Variants in C4orf50 observed in about 807,000 individuals in gnomAD.
C4orf50 encodes the protein uncharacterized protein C4orf50.
Under a neutral mutation model 77.2 loss-of-function variants are expected in C4orf50, and 80 were observed. The observed-to-expected ratio is 1.04, with a 90% CI of 0.87 to 1.25. The LOEUF (loss-of-function observed/expected upper bound fraction) is 1.25. Among genes scored for constraint, C4orf50 ranks in the 50% most tolerant of loss-of-function variants. The pLI, the probability that C4orf50 is intolerant of heterozygous loss-of-function variation, is 0.00. For synonymous variants in C4orf50, 532 were observed against 465.3 expected, an observed-to-expected ratio of 1.14 and a Z score of -1.84; for missense variants, 1,257 against 1,152.9, an observed-to-expected ratio of 1.09 and a Z score of -1.31.
chr4:5,967,448 C>T (rs1719644734), exon 32 of C4orf50: 9 of 1,613,946 alleles, frequency 5.6e-6, no homozygotes, highest in Non-Finnish European at 7.6e-6. Context: ...ACTTGACGTC[C>T]AGGTGGTGGC....
exon 28 of C4orf50, chr4:5,989,012 A>G (rs925000644): frequency 5.3e-5 from 81 of 1,535,888 alleles, no homozygotes; most frequent in Non-Finnish European, 6.2e-5. Context: ...AAAATTTTGC[A>G]GTAACTCTTC....
chr4:5,921,012 A>G (rs1374974159), intron 7 of C4orf50, among the ~76,000 whole-genome samples: 1 of 152,184 alleles, frequency 6.6e-6, no homozygotes, highest in Non-Finnish European at 1.5e-5. Flanking sequence ...AACTCTGACC[A>G]CAGCTGGGAT....
rs148513914 is a variant in C4orf50 at position 6,000,367 on chromosome 4, G to T, written c.964-5891C>A. Among the ~76,000 whole-genome samples, 270 of 152,140 alleles carry T rather than the reference G, an allele frequency of 1.8e-3. 1 individual carries two copies. The highest frequency in any genetic ancestry group is 2.3e-3 in the Non-Finnish European group (154 of 68,024). ...TAACACTTTAATTTATAAATTCCAG[G>T]CTGCATTCAACCTGAGAGCTGGTGG... On this transcript the variant is annotated intron_variant, in intron 25 of 33. Transcript: ENST00000531445. This position sits in a 1 kb window ranked among gnomAD's most constrained non-coding sequence, Gnocchi z 6.0.
chr4:6,005,553 G>A (rs193193781), intron 25 of C4orf50, among the ~76,000 whole-genome samples: 41 of 152,260 alleles, frequency 2.7e-4, no homozygotes, highest in African/African-American at 8.4e-4. Context: ...CAGAAGTCAC[G>A]GCTCTGCTCT....
Position 5,900,100 on chromosome 4 carries a change from G to A in C4orf50, c.*2475-1912C>T, listed in dbSNP as rs2152479437. 6.6e-6 allele frequency: 1 copy of A among 152,292 alleles called. No individual in the cohort carries two copies. The highest frequency in any genetic ancestry group is 1.5e-5 in the Non-Finnish European group (1 of 68,030). 9.4% of individuals were successfully genotyped at this position (152,292 alleles called of 1,614,324 possible). A position where few individuals can be genotyped will look rare whatever the true frequency, so the allele number is the denominator to read the frequency against. On this transcript the variant is annotated intron_variant, in intron 7 of 7. Transcript: ENST00000324058. This position sits in a 1 kb window ranked among gnomAD's most constrained non-coding sequence, Gnocchi z 4.3. ...TCAGAAGTTGGCTGAGTTCTCAGAAGGTTTCACGTTTCAGACCTAGAATTT... is the reference window on the plus strand; with the variant it reads ...TCAGAAGTTGGCTGAGTTCTCAGAAAGTTTCACGTTTCAGACCTAGAATTT...
chr4:5,988,973 T>C, exon 28 of C4orf50: 3 of 1,536,108 alleles, frequency 2.0e-6, no homozygotes, highest in Non-Finnish European at 2.6e-6. Context: ...AGATTCCCTT[T>C]CAGTGTTTCA....
intron 7 of C4orf50, among the ~76,000 whole-genome samples, chr4:5,926,546 A>C (rs1207970029): frequency 6.6e-6 from 1 of 152,228 alleles, no homozygotes; most frequent in Non-Finnish European, 1.5e-5. Context: ...AACATTGTGA[A>C]GGCACTAAAA....
At chr4:5,948,719 G>A (rs1398788260) in intron 7 of C4orf50, among the ~76,000 whole-genome samples, 6 of 151,848 alleles carry the variant, frequency 4.0e-5, no homozygotes, top group Admixed American at 6.6e-5. Context: ...TGCTTGAACC[G>A]GGAGGCAGAG....
chr4:5,973,641 C>T lies in C4orf50; in HGVS notation c.4104+18G>A. 6.3e-7 allele frequency: 1 copy of T among 1,596,454 alleles called. No homozygotes were observed. The highest frequency in any genetic ancestry group is 8.6e-7 in the Non-Finnish European group (1 of 1,167,930). On this transcript the variant is annotated intron_variant, in intron 31 of 33. Transcript: ENST00000531445. ...ACTCCCATAGGAAGCACAGACAGGG[C>T]CATCTCTGGGACTCTACCTCTGGGA...
At chr4:6,003,934 ATGG>A (rs1560598211) in intron 25 of C4orf50, among the ~76,000 whole-genome samples, 1 of 23,778 alleles carries the variant, frequency 4.2e-5, no homozygotes, top group Admixed American at 5.6e-4. Context: ...GATGGTGATG[ATGG>A]TGATGGTGAT....
At chr4:5,922,221 T>A (rs991969843) in intron 7 of C4orf50, among the ~76,000 whole-genome samples, 2 of 152,196 alleles carry the variant, frequency 1.3e-5, no homozygotes, top group Admixed American at 6.5e-5. Context: ...CGGGGCCCAC[T>A]GCGATGCACG....
chr4:5,928,383 C>T (rs1311495460), intron 7 of C4orf50, among the ~76,000 whole-genome samples: 2 of 151,668 alleles, frequency 1.3e-5, no homozygotes, highest in East Asian at 1.9e-4. Flanking sequence ...CACACATACA[C>T]ACACACACAC....
rs1344631164 is a variant in C4orf50 at position 6,017,697 on chromosome 4, A to C, written c.287+448T>G. ...CATCTACTTGTCTGGCGGCTGCCTA[A>C]AACCATGCTTCTGTCTGCCAGTTCC... On this transcript the variant is annotated intron_variant, in intron 23 of 33. Coordinates refer to ENST00000531445, the Ensembl canonical transcript of C4orf50. The surrounding 1 kb of genome is among the most constrained non-coding windows in gnomAD (Gnocchi z 4.7). Among the ~76,000 whole-genome samples, 1 of 152,094 alleles carries C rather than the reference A, an allele frequency of 6.6e-6. No homozygotes were observed. Among genetic ancestry groups the C allele is most frequent in the Non-Finnish European group, 1.5e-5 (1 of 68,014 alleles).
chr4:6,013,215 G>A (rs1722553670), intron 23 of C4orf50, among the ~76,000 whole-genome samples: 1 of 152,176 alleles, frequency 6.6e-6, no homozygotes, highest in African/African-American at 2.4e-5. Context: ...CTGAGGAAAG[G>A]TCTCAAGGGT....
chr4:6,002,400 G>A lies in C4orf50; in HGVS notation c.963+5596C>T, dbSNP rs1479204819. Among the ~76,000 whole-genome samples, 8 of 152,216 alleles carry A rather than the reference G, an allele frequency of 5.3e-5. No homozygotes were observed. The South Asian group carries it at 8.3e-4, about 16-fold the overall frequency. The stretch of plus-strand genomic sequence containing the variant: ...ACCTAGGAGAGAATAAATGTCTGCC[G>A]TTTTAAGTCAGCAGGTTTGAGGTAC... On this transcript the variant is annotated intron_variant, in intron 25 of 33. Coordinates refer to ENST00000531445, the Ensembl canonical transcript of C4orf50.
chr4:5,935,470 C>T (rs546752492), intron 7 of C4orf50, among the ~76,000 whole-genome samples: 1 of 152,300 alleles, frequency 6.6e-6, no homozygotes, highest in South Asian at 2.1e-4. Context: ...GGGGCTGATG[C>T]TGAAACACAC....
Position 5,970,148 on chromosome 4 carries a change from G to GAA in C4orf50, c.4105-2688_4105-2687dup, listed in dbSNP as rs35111334. Among the ~76,000 whole-genome samples, 1,247 of 143,944 alleles carry GAA rather than the reference G, an allele frequency of 8.7e-3. 23 individuals carry two copies. The highest frequency in any genetic ancestry group is 0.03 in the African/African-American group (1,170 of 38,872). The allele number at this position is 143,944 out of a possible 152,430, so 94.4% of individuals were successfully genotyped here. A position where few individuals can be genotyped will look rare whatever the true frequency, so the allele number is the denominator to read the frequency against. On this transcript the variant is annotated intron_variant, in intron 31 of 33. Coordinates refer to ENST00000531445, the Ensembl canonical transcript of C4orf50. The surrounding 1 kb of genome is among the most constrained non-coding windows in gnomAD (Gnocchi z 4.3). ...CAGCGTAGGTCCAGGCAAAACACAG[G>GAA]AAAAAAAAAAAAAGGCCCACTGGGG...
Position 5,965,013 on chromosome 4 carries a change from T to C in C4orf50, c.4275+11A>G. 6.2e-7 allele frequency: 1 copy of C among 1,607,496 alleles called. No homozygotes were observed. The highest frequency in any genetic ancestry group is 8.5e-7 in the Non-Finnish European group (1 of 1,177,186). ...TTCATTTAGGAAATGAGGTGACAGG[T>C]GCCTTCTCACCTTCAGAGAATCCAG... On this transcript the variant is annotated intron_variant, in intron 33 of 33. Coordinates refer to ENST00000531445, the Ensembl canonical transcript of C4orf50.
At position 5,901,508 on chromosome 4, in the gene C4orf50, C is replaced by A. The variant is rs1002643251; in HGVS notation, c.*2475-3320G>T. The A allele has an allele frequency of 6.6e-6, 1 of 152,252 alleles. No homozygotes were observed. Among genetic ancestry groups the A allele is most frequent in the Non-Finnish European group, 1.5e-5 (1 of 68,062 alleles). The allele number at this position is 152,252 out of a possible 1,614,324, so 9.4% of individuals were successfully genotyped here. On this transcript the variant is annotated intron_variant, in intron 7 of 7. Transcript: ENST00000324058. The surrounding 1 kb of genome is among the most constrained non-coding windows in gnomAD (Gnocchi z 4.4). ...ACCTGTTTCTCCTACATCGGGTGGTCTCTGTCATCTCTCTAGAAGAAAGTC... is the reference window on the plus strand; with the variant it reads ...ACCTGTTTCTCCTACATCGGGTGGTATCTGTCATCTCTCTAGAAGAAAGTC...
Sources: allele counts gnomAD v4.1 joint callset (sites outside exome capture counted in the v4.1 genomes callset), GRCh38; gene constraint gnomAD v4.1.1; non-coding constraint Gnocchi (gnomAD v3.1); transcripts MANE v1.5; gene names NCBI Gene and HGNC (gene_info 2026-07-23, HGNC 2026-07-21).